Variants in TMEM255B observed in about 807,000 individuals in gnomAD.
TMEM255B encodes family with sequence similarity 70, member B.
In TMEM255B, 35 loss-of-function variants were observed where a neutral mutation model predicts 34.5. That is an observed-to-expected ratio of 1.01 (90% confidence interval 0.77 to 1.34). The LOEUF (loss-of-function observed/expected upper bound fraction) is 1.34, where lower values mean the gene tolerates loss of function less well. Ranked by LOEUF, TMEM255B falls within the 40% of genes most tolerant of loss-of-function variation. The pLI is 0.00. For synonymous variants in TMEM255B, 206 were observed against 201.2 expected (o/e 1.02, Z -0.20); for missense variants, 432 against 433.2 (o/e 1.00, Z 0.02).
intron 4 of TMEM255B, among the ~76,000 whole-genome samples, chr13:113,796,011 AG>A (rs2050924167): frequency 7.0e-6 from 1 of 142,502 alleles, no homozygotes; most frequent in Non-Finnish European, 1.5e-5. Flanking sequence ...CAACACACAG[AG>A]CACACAGCAC....
At chr13:113,800,428 G>C (rs1055197851) in intron 5 of TMEM255B, among the ~76,000 whole-genome samples, 2 of 151,922 alleles carry the variant, frequency 1.3e-5, no homozygotes, top group Non-Finnish European at 2.9e-5. Context: ...GCTCAAGCCT[G>C]GGGGGAGAGC....
At chr13:113,776,655 A>G (rs185578754) in intron 3 of TMEM255B, among the ~76,000 whole-genome samples, 6 of 152,230 alleles carry the variant, frequency 3.9e-5, no homozygotes, top group African/African-American at 1.2e-4. Context: ...ACGCCTGGTT[A>G]GCAGGGGCTG....
Position 113,804,938 on chromosome 13 carries a change from C to A in TMEM255B, c.723C>A (p.Tyr241Ter). The A allele has an allele frequency of 6.2e-7, 1 of 1,605,878 alleles. No homozygotes were observed. The highest frequency in any genetic ancestry group is 8.5e-7 in the Non-Finnish European group (1 of 1,179,766). The change falls in exon 8 of 9, where the codon TAC becomes TAA. Residue 241 changes from tyrosine (Y) to a stop codon, truncating the protein, a stop_gained. Coordinates refer to ENST00000375353, the MANE Select transcript of TMEM255B (RefSeq NM_182614.4). LOFTEE classifies it high-confidence loss of function. ...CAGCCGTCCCACCACAGACCCTCTA[C>A]AACCCCGCCCAGCAGATCCTGGCCT... Reference protein sequence around the residue: ...YGPAVPPQTLYNPAQQILAYA... With the variant: ...YGPAVPPQTL
chr13:113,795,122 C>T lies in TMEM255B; in HGVS notation c.253-26C>T, dbSNP rs75283578. ...AAAACCGGGGTTGGTAAAAGCTGGG[C>T]ACCCACACCTCTCCTTCTGTTGCAG... On this transcript the variant is annotated intron_variant, in intron 3 of 8. Transcript: ENST00000375353. 1.7e-3 allele frequency: 2,738 copies of T among 1,611,086 alleles called. 28 individuals carry two copies. In the African/African-American group the frequency reaches 0.032, roughly 19 times the overall value.
chr13:113,779,490 C>G (rs1233784472), intron 3 of TMEM255B, among the ~76,000 whole-genome samples: 1 of 151,822 alleles, frequency 6.6e-6, no homozygotes, highest in Non-Finnish European at 1.5e-5. Context: ...GTAGAGGGAG[C>G]GTCTGCTGAT....
chr13:113,765,370 G>A (rs1223031890), intron 1 of TMEM255B, among the ~76,000 whole-genome samples: 7 of 152,234 alleles, frequency 4.6e-5, no homozygotes, highest in African/African-American at 1.7e-4. Context: ...TGGGATTGCA[G>A]AAGTGTAAAT....
chr13:113,761,730 C>T (rs1242913999), intron 1 of TMEM255B, among the ~76,000 whole-genome samples: 1 of 152,194 alleles, frequency 6.6e-6, no homozygotes, highest in African/African-American at 2.4e-5. Flanking sequence ...TCACTGGACG[C>T]TTATCACAAT....
rs2051037568 is a variant in TMEM255B, at chr13:113,800,675, CTG to C, written c.424-148_424-147del. 4 of 697,932 alleles carry C rather than the reference CTG, an allele frequency of 5.7e-6. No homozygotes were observed. The African/African-American group carries it at 7.1e-5, about 12-fold the overall frequency. The allele number at this position is 697,932 out of a possible 1,614,324, so 43.2% of individuals were successfully genotyped here. A position where few individuals can be genotyped will look rare whatever the true frequency, so the allele number is the denominator to read the frequency against. On this transcript the variant is annotated intron_variant, in intron 5 of 8. Transcript: ENST00000375353. ...TCCTGGCCCCCGAGCCCCCAAGCCT[CTG>C]TGTCTGGAGTCGGGGGAAAGTCGGG...
intron 8 of TMEM255B, among the ~76,000 whole-genome samples, chr13:113,811,191 CAGTGAGAGAGGT>C (rs2051293369): frequency 1.9e-5 from 1 of 51,990 alleles, no homozygotes; most frequent in Non-Finnish European, 3.6e-5. Context: ...GGGTGGGGGC[CAGTGAGAGAGGT>C]CCTGGATCTG....
At chr13:113,801,888 G>A (rs1038590744) in intron 7 of TMEM255B, 76 bp downstream of exon 7, 28 of 1,434,844 alleles carry the variant, frequency 2.0e-5, no homozygotes, top group Admixed American at 1.2e-4. Context: ...GGTGGGCTGG[G>A]GGGCCTCCAG....
At position 113,766,256 on chromosome 13, in the gene TMEM255B, T is replaced by C. The variant is rs765955902; in HGVS notation, c.188T>C (p.Ile63Thr). Residue 63 changes from isoleucine (I) to threonine (T), a missense_variant and splice_region_variant, in exon 2 of 9, where the codon ATT (isoleucine) becomes ACT (threonine). Coordinates refer to ENST00000375353, the MANE Select transcript of TMEM255B (RefSeq NM_182614.4). ...GTTGGGGGCTACTACCCAGGGATCA[T>C]TGTGAGTGCGCCGGGCGGGCGGCCT... is the stretch of plus-strand genomic sequence containing the variant. ...VTVGGYYPGI[I>T]LGFGSFLGII... The C allele has an allele frequency of 4.3e-6, 7 of 1,613,998 alleles. No homozygotes were observed. The highest frequency in any genetic ancestry group is 2.2e-5 in the East Asian group (1 of 44,876).
chr13:113,804,319 G>C (rs2051122447), intron 7 of TMEM255B, among the ~76,000 whole-genome samples: 1 of 152,202 alleles, frequency 6.6e-6, no homozygotes. Context: ...CCCCACGCTG[G>C]TTGGGGCACA....
intron 3 of TMEM255B, among the ~76,000 whole-genome samples, chr13:113,776,809 T>C (rs1261713933): frequency 1.3e-5 from 2 of 152,266 alleles, no homozygotes; most frequent in East Asian, 1.9e-4. Flanking sequence ...CGTGAGCTGG[T>C]GGTGCTGACG....
chr13:113,780,213 C>T (rs759674790), intron 3 of TMEM255B, among the ~76,000 whole-genome samples: 2 of 152,224 alleles, frequency 1.3e-5, no homozygotes, highest in Non-Finnish European at 2.9e-5. Flanking sequence ...AATAGGAGGC[C>T]AGTTTCCAAG....
At chr13:113,805,290 G>A (rs887443492) in intron 8 of TMEM255B, among the ~76,000 whole-genome samples, 7 of 152,208 alleles carry the variant, frequency 4.6e-5, no homozygotes, top group East Asian at 1.9e-4. Context: ...GGCTGGCCCC[G>A]CACAGGCCTG....
At chr13:113,787,651 GA>G (rs1381594529) in intron 3 of TMEM255B, among the ~76,000 whole-genome samples, 1 of 152,096 alleles carries the variant, frequency 6.6e-6, no homozygotes, top group African/African-American at 2.4e-5. Flanking sequence ...TTAATGAGCT[GA>G]AATTGTACAT....
chr13:113,775,503 G>T (rs1267540665), intron 3 of TMEM255B, among the ~76,000 whole-genome samples: 2 of 152,266 alleles, frequency 1.3e-5, no homozygotes, highest in Non-Finnish European at 2.9e-5. Flanking sequence ...CGGCTCTGCG[G>T]GTCACCGGTG....
chr13:113,794,194 G>A (rs1271391682), intron 3 of TMEM255B, among the ~76,000 whole-genome samples: 4 of 152,178 alleles, frequency 2.6e-5, no homozygotes, highest in African/African-American at 4.8e-5. Context: ...AAGGAAGGTC[G>A]GGGTGCCTCT....
At chr13:113,768,024 GACAC>G (rs1249038545) in intron 2 of TMEM255B, 13 of 354,634 alleles carry the variant, frequency 3.7e-5, no homozygotes, top group Non-Finnish European at 7.6e-5. Context: ...TATCACCACA[GACAC>G]ACAGACAATT....
Sources: gnomAD v4.1 joint callset for allele counts (sites outside exome capture counted in the v4.1 genomes callset) on GRCh38, gnomAD v4.1.1 for gene constraint, MANE v1.5 for transcripts, NCBI Gene and HGNC (gene_info 2026-07-23, HGNC 2026-07-21) for gene names.